CRADD: variants seen among roughly 807,000 people sequenced by gnomAD.
The protein encoded by CRADD is CARD and death domain containing adaptor protein, also known as death domain-containing protein CRADD.
In CRADD, 9 loss-of-function variants were observed where a neutral mutation model predicts 15.5. The ratio of observed to expected loss-of-function variants is 0.58; its 90% CI spans 0.35 to 1.01. CRADD has a LOEUF of 1.01. Ranked by LOEUF, CRADD falls within the 50% of genes least tolerant of loss-of-function variation. CRADD has a pLI of 0.02. For synonymous variants in CRADD, 118 were observed against 107.6 expected (o/e 1.10, Z -0.60); for missense variants, 227 against 250.3 (o/e 0.91, Z 0.63).
intron 2 of CRADD, among the ~76,000 whole-genome samples, chr12:93,813,917 A>G (rs956894614): frequency 6.6e-6 from 1 of 152,150 alleles, no homozygotes; most frequent in Admixed American, 6.5e-5. Context: ...GCCAGCCAGA[A>G]TCACCCTTTC....
At chr12:93,886,577 T>C (rs1958539155) in intron 2 of CRADD, among the ~76,000 whole-genome samples, 1 of 152,196 alleles carries the variant, frequency 6.6e-6, no homozygotes, top group South Asian at 2.1e-4. Flanking sequence ...CCAGCTGAAT[T>C]CTGGAGATAG....
chr12:93,713,064 G>GTT (rs934976517), intron 2 of CRADD, among the ~76,000 whole-genome samples: 2 of 150,162 alleles, frequency 1.3e-5, no homozygotes, highest in Non-Finnish European at 3.0e-5. Flanking sequence ...TTTGAAGATC[G>GTT]TTTTTTTTTA....
intron 2 of CRADD, among the ~76,000 whole-genome samples, chr12:93,693,908 A>G (rs1955635762): frequency 6.6e-6 from 1 of 152,118 alleles, no homozygotes; most frequent in Admixed American, 6.5e-5. Flanking sequence ...CAAACATTCA[A>G]AGAACAAATA....
In CRADD at chr12:93,866,637, C is replaced by T. The variant is rs977633593; in HGVS notation, c.299-27413C>T. Among the ~76,000 whole-genome samples, 6 of 152,062 alleles carry T rather than the reference C, an allele frequency of 3.9e-5. 1 individual carries two copies. The South Asian group carries it at 1.2e-3, about 32-fold the overall frequency. On this transcript the variant is annotated intron_variant, in intron 2 of 2. Transcript: ENST00000548483. ...TTCATTTATATTTAAAATTGGGGCCCTAAAAAGCTGAATGAGACTCTGTAT... is the reference window on the plus strand; with the variant it reads ...TTCATTTATATTTAAAATTGGGGCCTTAAAAAGCTGAATGAGACTCTGTAT...
At chr12:93,846,454 TTTTTGTTTTGTTTTG>T (rs3884267) in intron 2 of CRADD, 1 of 150,874 alleles carries the variant, frequency 6.6e-6, no homozygotes, top group South Asian at 2.1e-4. Flanking sequence ...GACTTACTGT[TTTTTGTTTTGTTTTG>T]TTTTGTTTTG....
chr12:93,753,797 C>T (rs1956857680), intron 2 of CRADD, among the ~76,000 whole-genome samples: 1 of 152,216 alleles, frequency 6.6e-6, no homozygotes, highest in Non-Finnish European at 1.5e-5. Context: ...TAGCCCCCCT[C>T]CCAGCTGCTT....
rs117895281 is a variant in CRADD at position 93,814,283 on chromosome 12, G to A, written c.299-35687G>A. ...AAGCGAATCCTCCAAGGAACTGGAT[G>A]GATTTTTCATTCTGAGATAAGCAGT... On this transcript the variant is annotated intron_variant, in intron 2 of 2. Coordinates refer to ENST00000332896, the MANE Select transcript of CRADD (RefSeq NM_003805.5). 9.8e-4 allele frequency among the ~76,000 whole-genome samples: 150 copies of A among 152,306 alleles called. No individual in the cohort carries two copies. The East Asian group carries it at 0.024, about 25-fold the overall frequency.
intron 2 of CRADD, among the ~76,000 whole-genome samples, chr12:93,869,227 A>G (rs537009102): frequency 3.9e-4 from 60 of 152,308 alleles, no homozygotes; most frequent in South Asian, 2.9e-3. Context: ...TAACTAGCTT[A>G]ACAAAGCCTA....
chr12:93,884,357 G>C (rs1958521673), intron 2 of CRADD, among the ~76,000 whole-genome samples: 1 of 152,188 alleles, frequency 6.6e-6, no homozygotes, highest in African/African-American at 2.4e-5. Context: ...AGAGAGGAAA[G>C]ATAACAAAAT....
At chr12:93,823,080 G>C (rs1051250071) in intron 2 of CRADD, among the ~76,000 whole-genome samples, 2 of 152,190 alleles carry the variant, frequency 1.3e-5, no homozygotes, top group Admixed American at 6.5e-5. Flanking sequence ...GGATCACCAG[G>C]TCAGGAGTTC....
chr12:93,798,851 T>TACCCAGCCCA, intron 2 of CRADD, among the ~76,000 whole-genome samples: 1 of 152,340 alleles, frequency 6.6e-6, no homozygotes, highest in East Asian at 1.9e-4. Context: ...GAAGTGCTGA[T>TACCCAGCCCA]GAGTTTCTCT....
chr12:93,710,724 A>G (rs1956050341), intron 2 of CRADD, among the ~76,000 whole-genome samples: 1 of 152,128 alleles, frequency 6.6e-6, no homozygotes, highest in Non-Finnish European at 1.5e-5. Context: ...ATGAGTCACA[A>G]GGCCAGCCCA....
At chr12:93,739,747 A>G (rs934145684) in intron 2 of CRADD, among the ~76,000 whole-genome samples, 4 of 152,170 alleles carry the variant, frequency 2.6e-5, no homozygotes. Flanking sequence ...TAGGAAAAAA[A>G]TTATTTTTCA....
chr12:93,797,415 G>T (rs1957431139), intron 2 of CRADD, among the ~76,000 whole-genome samples: 1 of 152,206 alleles, frequency 6.6e-6, no homozygotes, highest in South Asian at 2.1e-4. Flanking sequence ...CACAGTCAGT[G>T]CAGGTAGTGT....
intron 2 of CRADD, among the ~76,000 whole-genome samples, chr12:93,711,055 C>CCCCCCCCCCTTTT: frequency 2.3e-5 from 1 of 43,508 alleles, no homozygotes; most frequent in Non-Finnish European, 4.4e-5. Context: ...CCACCCCCGC[C>CCCCCCCCCCTTTT]TTTTTTTTTT....
chr12:93,825,497 G>C (rs1487253331), intron 2 of CRADD, among the ~76,000 whole-genome samples: 1 of 152,180 alleles, frequency 6.6e-6, no homozygotes, highest in Non-Finnish European at 1.5e-5. Context: ...AAAATGATAG[G>C]AGGAGGGAGC....
At chr12:93,869,739 C>G (rs74902280) in intron 2 of CRADD, among the ~76,000 whole-genome samples, 1 of 152,036 alleles carries the variant, frequency 6.6e-6, no homozygotes, top group Admixed American at 6.6e-5. Flanking sequence ...GAAAAGCCAA[C>G]AAAAATCACC....
intron 2 of CRADD, among the ~76,000 whole-genome samples, chr12:93,721,562 C>T (rs1443007317): frequency 6.6e-6 from 1 of 152,128 alleles, no homozygotes; most frequent in Non-Finnish European, 1.5e-5. Context: ...ATAATTGCAT[C>T]TGTACTGCAC....
intron 2 of CRADD, among the ~76,000 whole-genome samples, chr12:93,718,140 A>T (rs1037297919): frequency 1.3e-5 from 2 of 152,168 alleles, no homozygotes; most frequent in Non-Finnish European, 2.9e-5. Context: ...TTTAACATTG[A>T]GTTGGCTGTT....
Sources: allele counts gnomAD v4.1 joint callset (sites outside exome capture counted in the v4.1 genomes callset), GRCh38; gene constraint gnomAD v4.1.1; transcripts MANE v1.5; gene names NCBI Gene and HGNC (gene_info 2026-07-23, HGNC 2026-07-21).